Variants in NDUFB6 observed in about 807,000 individuals in gnomAD.
The protein encoded by NDUFB6 is NADH:ubiquinone oxidoreductase subunit B6.
NDUFB6 carries 23 observed loss-of-function variants against 17.5 expected under a neutral mutation model. That is an observed-to-expected ratio of 1.31 (90% CI 0.94 to 1.86). The LOEUF is 1.86. Ranked by LOEUF, NDUFB6 falls within the 40% of genes most tolerant of loss-of-function variation. The pLI, the probability that NDUFB6 is intolerant of heterozygous loss-of-function variation, is 0.00. For missense variants in NDUFB6, 167 were observed against 153.8 expected (o/e 1.09, Z -0.46); for synonymous variants, 60 against 53.5 (o/e 1.12, Z -0.53).
At chr9:32,555,793 AC>A (rs1239192090) in intron 3 of NDUFB6, among the ~76,000 whole-genome samples, 1 of 152,096 alleles carries the variant, frequency 6.6e-6, no homozygotes, top group Non-Finnish European at 1.5e-5. Flanking sequence ...AAAAGAACAA[AC>A]CCCCTGGACA....
intron 2 of NDUFB6, among the ~76,000 whole-genome samples, chr9:32,559,327 T>C (rs1290604324): frequency 6.6e-6 from 1 of 152,194 alleles, no homozygotes; most frequent in Non-Finnish European, 1.5e-5. Flanking sequence ...CAAGCCTCTA[T>C]CATATTTTCA....
intron 2 of NDUFB6, chr9:32,568,110 C>A (rs773474846): frequency 6.0e-6 from 1 of 167,156 alleles, no homozygotes; most frequent in Non-Finnish European, 1.5e-5. Context: ...AATGGAAAAT[C>A]TTCTGGGAAA....
chr9:32,570,648 GAGC>G (rs1821916793), intron 2 of NDUFB6, among the ~76,000 whole-genome samples: 1 of 151,842 alleles, frequency 6.6e-6, no homozygotes, highest in South Asian at 2.1e-4. Flanking sequence ...TTTTAAAAAG[GAGC>G]AGAATTGTTT....
At position 32,573,019 on chromosome 9, in the gene NDUFB6, C is replaced by G. The variant is rs1821979316; in HGVS notation, c.42G>C (p.Gln14His). Residue 14 changes from glutamine (Q) to histidine (H), a missense_variant, in exon 1 of 4, where the codon CAG (glutamine) becomes CAC (histidine). Gln to His is a conservative substitution (Grantham distance 24, BLOSUM62 0). Coordinates refer to ENST00000379847, the MANE Select transcript of NDUFB6 (RefSeq NM_002493.5). The part of the protein sequence containing the change: ...YTPDEKLRLQ[Q>H]LRELRRRWLK... ...GCCATCGCCTTCTCAGCTCTCGCAGCTGCTGCAGCCGCAGTTTCTCATCCG... is the reference window on the plus strand; with the variant it reads ...GCCATCGCCTTCTCAGCTCTCGCAGGTGCTGCAGCCGCAGTTTCTCATCCG... 1.9e-6 allele frequency: 3 copies of G among 1,602,178 alleles called. No homozygotes were observed. The highest frequency in any genetic ancestry group is 2.3e-5 in the East Asian group (1 of 43,938).
chr9:32,556,519 G>T (rs1165403819), intron 3 of NDUFB6, among the ~76,000 whole-genome samples: 1 of 152,160 alleles, frequency 6.6e-6, no homozygotes, highest in African/African-American at 2.4e-5. Flanking sequence ...GTTATTACTT[G>T]TCCTATTCTA....
At position 32,571,072 on chromosome 9, in the gene NDUFB6, C is replaced by G. The variant is rs1821930814; in HGVS notation, c.181-20G>C. 6.6e-7 allele frequency: 1 copy of G among 1,513,234 alleles called. No individual in the cohort carries two copies. The highest frequency in any genetic ancestry group is 9.1e-7 in the Non-Finnish European group (1 of 1,100,744). 93.7% of individuals were successfully genotyped at this position (1,513,234 alleles called of 1,614,324 possible). A position where few individuals can be genotyped will look rare whatever the true frequency, so the allele number is the denominator to read the frequency against. On this transcript the variant is annotated intron_variant, in intron 1 of 3. Coordinates refer to ENST00000379847, the MANE Select transcript of NDUFB6 (RefSeq NM_002493.5). ...ATGGACCTGGGGGGAAAAACACATA[C>G]ACAAAATAAACATATCCCATTTTTT... is the stretch of plus-strand genomic sequence containing the variant.
chr9:32,565,232 G>A (rs575255032), intron 2 of NDUFB6, among the ~76,000 whole-genome samples: 40 of 151,594 alleles, frequency 2.6e-4, no homozygotes, highest in Non-Finnish European at 4.4e-4. Context: ...GGCAGAGGTC[G>A]CAGTGAGCCG....
intron 1 of NDUFB6, among the ~76,000 whole-genome samples, chr9:32,572,323 A>G (rs143994078): frequency 2.3e-3 from 352 of 152,328 alleles, no homozygotes; most frequent in African/African-American, 8.1e-3. Flanking sequence ...GATTTTTTTA[A>G]TGAAACACTG....
chr9:32,558,117 A>AT lies in NDUFB6; in HGVS notation c.318+792dup, dbSNP rs74178816. 9.6e-4 allele frequency among the ~76,000 whole-genome samples: 130 copies of AT among 135,230 alleles called. 8 individuals are homozygous for AT. In the South Asian group the frequency reaches 0.016, roughly 17 times the overall value. The allele number at this position is 135,230 out of a possible 152,430, so 88.7% of individuals were successfully genotyped here. On this transcript the variant is annotated intron_variant, in intron 3 of 3. Coordinates refer to ENST00000379847, the MANE Select transcript of NDUFB6 (RefSeq NM_002493.5). ...TATAGCTCACACATTCATAGTATACATTTTTTTTTTTTGAGACGGAGTCTC... is the reference window on the plus strand; with the variant it reads ...TATAGCTCACACATTCATAGTATACATTTTTTTTTTTTTGAGACGGAGTCTC...
chr9:32,566,127 C>T (rs1327629765), intron 2 of NDUFB6: 8 of 569,776 alleles, frequency 1.4e-5, no homozygotes, highest in South Asian at 2.6e-5. Flanking sequence ...CGAACAAAGA[C>T]GAGAATATGG....
At chr9:32,557,369 A>C (rs1384948519) in intron 3 of NDUFB6, among the ~76,000 whole-genome samples, 1 of 151,350 alleles carries the variant, frequency 6.6e-6, no homozygotes, top group African/African-American at 2.4e-5. Context: ...GTGTTTCACC[A>C]TGTTGGCCAG....
chr9:32,563,084 A>T (rs528438228), intron 2 of NDUFB6, among the ~76,000 whole-genome samples: 17 of 152,326 alleles, frequency 1.1e-4, no homozygotes, highest in Admixed American at 6.5e-5. Flanking sequence ...TATGAATTTA[A>T]TCAATAAATT....
At chr9:32,559,759 C>G (rs1334734818) in intron 2 of NDUFB6, among the ~76,000 whole-genome samples, 5 of 152,134 alleles carry the variant, frequency 3.3e-5, no homozygotes, top group Non-Finnish European at 7.3e-5. Context: ...CTTCTATAGA[C>G]TTGTTCTCCT....
rs569044736 is a variant in NDUFB6 at position 32,558,109 on chromosome 9, T to C, written c.318+801A>G. ...ATTAGTACTATAGCTCACACATTCA[T>C]AGTATACATTTTTTTTTTTTGAGAC... On this transcript the variant is annotated intron_variant, in intron 3 of 3. Coordinates refer to ENST00000379847, the MANE Select transcript of NDUFB6 (RefSeq NM_002493.5). Among the ~76,000 whole-genome samples, 5 of 137,318 alleles carry C rather than the reference T, an allele frequency of 3.6e-5. 1 individual carries two copies. In the Middle Eastern group the frequency reaches 0.011, roughly 314 times the overall value. 90.1% of individuals were successfully genotyped at this position (137,318 alleles called of 152,430 possible).
At chr9:32,569,154 A>G (rs570977323) in intron 2 of NDUFB6, among the ~76,000 whole-genome samples, 23 of 152,162 alleles carry the variant, frequency 1.5e-4, no homozygotes, top group Non-Finnish European at 3.1e-4. Flanking sequence ...CCATTAGCAA[A>G]AAGATCATAC....
chr9:32,561,589 A>C (rs1480510771), intron 2 of NDUFB6, among the ~76,000 whole-genome samples: 1 of 152,092 alleles, frequency 6.6e-6, no homozygotes, highest in Non-Finnish European at 1.5e-5. Flanking sequence ...TCAGCCTCCC[A>C]AAGTGCCAGG....
At chr9:32,566,483 G>A in intron 2 of NDUFB6, 2 of 793,078 alleles carry the variant, frequency 2.5e-6, no homozygotes, top group Non-Finnish European at 4.6e-6. Context: ...AAGGGACCCT[G>A]GCAGGAGAAC....
intron 3 of NDUFB6, among the ~76,000 whole-genome samples, chr9:32,557,162 C>T (rs1369439921): frequency 6.2e-5 from 8 of 129,228 alleles, no homozygotes; most frequent in African/African-American, 2.1e-4. Flanking sequence ...CTGGCCCCCA[C>T]TTTTTTTTTT....
intron 3 of NDUFB6, among the ~76,000 whole-genome samples, chr9:32,555,032 G>T (rs188870919): frequency 2.0e-5 from 3 of 151,326 alleles, no homozygotes; most frequent in Non-Finnish European, 2.9e-5. Context: ...TTTGAGAGGC[G>T]ACATAAAAAT....
Sources: gnomAD v4.1 joint callset for allele counts (sites outside exome capture counted in the v4.1 genomes callset) on GRCh38, gnomAD v4.1.1 for gene constraint, MANE v1.5 for transcripts, NCBI Gene and HGNC (gene_info 2026-07-23, HGNC 2026-07-21) for gene names.